MIPOL1: variants seen among roughly 807,000 people sequenced by gnomAD.
MIPOL1 encodes mirror-image polydactyly gene 1 protein.
MIPOL1 carries 57 observed loss-of-function variants against 60.9 expected under a neutral mutation model. The observed-to-expected ratio is 0.94, with a 90% CI of 0.76 to 1.17. The LOEUF (loss-of-function observed/expected upper bound fraction) is 1.17, where lower values mean the gene tolerates loss of function less well. MIPOL1 is among the 50% of genes most tolerant of loss of function. The probability of loss-of-function intolerance (pLI) is 0.00; values close to 1 mark genes in which losing one functional copy is unlikely to be tolerated. For synonymous variants in MIPOL1, 179 were observed against 168.8 expected (o/e 1.06, Z -0.47); for missense variants, 551 against 511.6 (o/e 1.08, Z -0.74).
At chr14:37,267,736 G>T (rs1393320121) in intron 4 of MIPOL1, among the ~76,000 whole-genome samples, 1 of 152,104 alleles carries the variant, frequency 6.6e-6, no homozygotes, top group Non-Finnish European at 1.5e-5. Context: ...ATTATTTTCT[G>T]TGACCTTTCT....
chr14:37,535,536 CT>C (rs1212316344), intron 12 of MIPOL1, among the ~76,000 whole-genome samples: 4 of 152,196 alleles, frequency 2.6e-5, no homozygotes, highest in African/African-American at 9.6e-5. Flanking sequence ...GTAACACACT[CT>C]CCCGTTCACA....
intron 6 of MIPOL1, among the ~76,000 whole-genome samples, chr14:37,279,369 G>A (rs1244836412): frequency 6.6e-6 from 1 of 151,396 alleles, no homozygotes; most frequent in Non-Finnish European, 1.5e-5. Context: ...TGTTTAATGA[G>A]CAAATTCCAA....
intron 3 of MIPOL1, among the ~76,000 whole-genome samples, chr14:37,254,224 A>T (rs1974555926): frequency 6.6e-6 from 1 of 151,814 alleles, no homozygotes; most frequent in Admixed American, 6.6e-5. Context: ...AGTTTATTAA[A>T]TACGATTCTG....
chr14:37,405,571 A>C (rs1272989963), intron 10 of MIPOL1, among the ~76,000 whole-genome samples: 4 of 152,032 alleles, frequency 2.6e-5, no homozygotes, highest in Admixed American at 1.3e-4. Flanking sequence ...AACTTTGATA[A>C]TTTCTTGTTT....
chr14:37,340,974 C>T (rs961228458), intron 9 of MIPOL1, among the ~76,000 whole-genome samples: 2 of 152,128 alleles, frequency 1.3e-5, no homozygotes, highest in Admixed American at 6.5e-5. Flanking sequence ...AAATACTTAA[C>T]ATCGTGTTAC....
chr14:37,456,565 C>T (rs905004524), intron 11 of MIPOL1, among the ~76,000 whole-genome samples: 7 of 152,046 alleles, frequency 4.6e-5, no homozygotes, highest in African/African-American at 1.7e-4. Context: ...AATCCCAAGC[C>T]AGGTAAATAT....
intron 10 of MIPOL1, among the ~76,000 whole-genome samples, chr14:37,410,055 C>T (rs916775025): frequency 6.6e-6 from 1 of 152,084 alleles, no homozygotes; most frequent in African/African-American, 2.4e-5. Context: ...CCAATCACAC[C>T]ATAATCAAAT....
At chr14:37,419,132 G>A (rs2093824122) in intron 10 of MIPOL1, among the ~76,000 whole-genome samples, 1 of 152,016 alleles carries the variant, frequency 6.6e-6, no homozygotes, top group Admixed American at 6.6e-5. Context: ...TACAGATTGT[G>A]ATACATTCAT....
At chr14:37,488,044 A>G (rs574982521) in intron 11 of MIPOL1, among the ~76,000 whole-genome samples, 8 of 152,202 alleles carry the variant, frequency 5.3e-5, no homozygotes, top group African/African-American at 1.9e-4. Context: ...CTTTGTTCTC[A>G]TTGGTTTCAA....
At chr14:37,331,576 T>C (rs909772347) in intron 9 of MIPOL1, among the ~76,000 whole-genome samples, 3 of 152,150 alleles carry the variant, frequency 2.0e-5, no homozygotes, top group Admixed American at 2.0e-4. Flanking sequence ...GGTTGTTCAC[T>C]GTTGGCATAT....
chr14:37,432,194 G>T (rs997828676), intron 11 of MIPOL1, among the ~76,000 whole-genome samples: 1 of 152,030 alleles, frequency 6.6e-6, no homozygotes, highest in Non-Finnish European at 1.5e-5. Flanking sequence ...TTCTAATCTT[G>T]TCCGTTAGAA....
At chr14:37,390,222 G>GA (rs1391506688) in intron 10 of MIPOL1, among the ~76,000 whole-genome samples, 5 of 150,700 alleles carry the variant, frequency 3.3e-5, no homozygotes, top group African/African-American at 4.9e-5. Context: ...TCCTTCTCAA[G>GA]AAAAAAAACA....
chr14:37,243,116 C>G (rs899434138), intron 1 of MIPOL1, among the ~76,000 whole-genome samples: 1 of 152,142 alleles, frequency 6.6e-6, no homozygotes, highest in African/African-American at 2.4e-5. Context: ...AAATATCTTA[C>G]ATATTTTTGT....
At chr14:37,281,705 A>G (rs1335886872) in intron 6 of MIPOL1, among the ~76,000 whole-genome samples, 1 of 152,164 alleles carries the variant, frequency 6.6e-6, no homozygotes. Flanking sequence ...GCACCTAGCC[A>G]TCATGCTGTT....
At chr14:37,521,924 T>C (rs1360303389) in intron 12 of MIPOL1, among the ~76,000 whole-genome samples, 1 of 147,940 alleles carries the variant, frequency 6.8e-6, no homozygotes. Flanking sequence ...TTTTTTTCTT[T>C]GGCTTCAAAA....
intron 1 of MIPOL1, among the ~76,000 whole-genome samples, chr14:37,209,816 A>G (rs550402154): frequency 6.6e-6 from 1 of 151,026 alleles, no homozygotes; most frequent in South Asian, 2.1e-4. Flanking sequence ...CAATCCTCCC[A>G]CCTCAGCCTC....
chr14:37,299,638 C>T (rs1205438299), intron 7 of MIPOL1, among the ~76,000 whole-genome samples: 2 of 151,878 alleles, frequency 1.3e-5, no homozygotes, highest in Non-Finnish European at 2.9e-5. Flanking sequence ...TTTTATATTT[C>T]TAGAACAGTT....
chr14:37,446,570 C>G (rs1455175872), intron 11 of MIPOL1, among the ~76,000 whole-genome samples: 1 of 91,954 alleles, frequency 1.1e-5, no homozygotes, highest in Non-Finnish European at 2.9e-5. Flanking sequence ...CATCCCATTA[C>G]TGGGTATATA....
chr14:37,225,461 A>G (rs1206734143), intron 1 of MIPOL1, among the ~76,000 whole-genome samples: 3 of 152,204 alleles, frequency 2.0e-5, no homozygotes, highest in East Asian at 1.9e-4. Flanking sequence ...TGCAGGCTCA[A>G]CACCACATGG....
Sources: gnomAD v4.1 joint callset for allele counts (sites outside exome capture counted in the v4.1 genomes callset) on GRCh38, gnomAD v4.1.1 for gene constraint, MANE v1.5 for transcripts, NCBI Gene and HGNC (gene_info 2026-07-23, HGNC 2026-07-21) for gene names.